The following DHX57 variants were observed in gnomAD, a reference collection of about 807,000 sequenced individuals.
The protein encoded by DHX57 is DExH-box helicase 57.
Under a neutral mutation model 156.2 loss-of-function variants are expected in DHX57, and 105 were observed. That is an observed-to-expected ratio of 0.67 (90% confidence interval 0.57 to 0.79). DHX57 has a LOEUF of 0.79. Among genes scored for constraint, DHX57 ranks in the 30% least tolerant of loss-of-function variants. DHX57 has a pLI of 0.00. For missense variants in DHX57, 1,847 were observed against 1,661.9 expected (o/e 1.11, Z -1.94); for synonymous variants, 704 against 595.6 (o/e 1.18, Z -2.65).
chr2:38,828,206 G>T, intron 14 of DHX57, 134 bp downstream of exon 14: 2 of 562,142 alleles, frequency 3.6e-6, no homozygotes, highest in Non-Finnish European at 5.9e-6. Flanking sequence ...CAGCAAATAG[G>T]TTTGCTCATT....
At chr2:38,872,578 G>A (rs1018822203) in intron 1 of DHX57, among the ~76,000 whole-genome samples, 2 of 152,142 alleles carry the variant, frequency 1.3e-5, no homozygotes, top group Admixed American at 6.5e-5. Flanking sequence ...AAGGTGGAGT[G>A]GCTATGTTAA....
At chr2:38,856,976 A>G (rs1379833974) in intron 6 of DHX57, 7 of 153,432 alleles carry the variant, frequency 4.6e-5, no homozygotes, top group Non-Finnish European at 7.3e-5. Flanking sequence ...GAATAAACCG[A>G]AAGATTTTCT....
In DHX57 at chr2:38,823,152, T is replaced by G. The variant is rs1440466586; in HGVS notation, c.3132A>C (p.Gly1044=). Reference sequence around the variant, plus strand: ...TCAATCTTTCATCTGGAGTTAATGCTCCTAAGTCTCGTAATCGTATTTTTG... The same window carrying G: ...TCAATCTTTCATCTGGAGTTAATGCGCCTAAGTCTCGTAATCGTATTTTTG... The part of the protein sequence containing the change: ...RASKIRLRDL[G]ALTPDERLTP... Residue 1044 remains glycine, a synonymous_variant, in exon 17 of 24, where the codon GGA becomes GGC. Transcript: ENST00000457308. 2.5e-6 allele frequency: 4 copies of G among 1,614,000 alleles called. No homozygotes were observed. The highest frequency in any genetic ancestry group is 3.4e-6 in the Non-Finnish European group (4 of 1,180,044).
intron 13 of DHX57, among the ~76,000 whole-genome samples, chr2:38,830,631 T>TAA (rs569419701): frequency 8.4e-5 from 10 of 119,466 alleles, no homozygotes; most frequent in African/African-American, 1.3e-4. Flanking sequence ...TCCGTCTCAA[T>TAA]AAAAAAAAAA....
In DHX57 at chr2:38,861,085, A is replaced by C. The variant is rs1220458873; in HGVS notation, c.1325T>G (p.Val442Gly). 3.7e-6 allele frequency: 6 copies of C among 1,614,226 alleles called. No homozygotes were observed. The highest frequency in any genetic ancestry group is 5.1e-6 in the Non-Finnish European group (6 of 1,180,036). The change falls in exon 5 of 24, where the codon GTA becomes GGA. Residue 442 changes from valine to glycine, a missense_variant. By Grantham distance (109) the Val-to-Gly change is moderately radical. Transcript: ENST00000457308. Reference protein sequence around the residue: ...YSDPPVNFLPVPSRTRINNPA... With the variant: ...YSDPPVNFLPGPSRTRINNPA... ...ATTATTTATTCTGGTCCTAGAGGGT[A>C]CTGGCAGAAAGTTCACAGGAGGGTC... is the stretch of plus-strand genomic sequence containing the variant.
chr2:38,862,461 A>G, intron 3 of DHX57, 128 bp from the exon 4 acceptor site: 1 of 878,840 alleles, frequency 1.1e-6, no homozygotes, highest in Non-Finnish European at 1.6e-6. Context: ...TTAATCTTAT[A>G]TTGAACTATT....
intron 12 of DHX57, among the ~76,000 whole-genome samples, chr2:38,842,431 G>T (rs1005628565): frequency 1.4e-4 from 22 of 152,112 alleles, no homozygotes; most frequent in African/African-American, 5.3e-4. Flanking sequence ...TTATATAATT[G>T]TATCAGTGTT....
chr2:38,855,967 G>T (rs1280996753), intron 7 of DHX57, among the ~76,000 whole-genome samples: 1 of 152,038 alleles, frequency 6.6e-6, no homozygotes, highest in African/African-American at 2.4e-5. Flanking sequence ...GGGTATGGTG[G>T]TGCACCACAG....
intron 9 of DHX57, among the ~76,000 whole-genome samples, chr2:38,849,267 A>T (rs1170991694): frequency 6.6e-6 from 1 of 152,242 alleles, no homozygotes; most frequent in Non-Finnish European, 1.5e-5. Flanking sequence ...ACATGAAAAC[A>T]TCTCTAAGAC....
chr2:38,832,595 G>C (rs1182598032), intron 13 of DHX57, among the ~76,000 whole-genome samples: 1 of 150,408 alleles, frequency 6.6e-6, no homozygotes, highest in Non-Finnish European at 1.5e-5. Flanking sequence ...ACCCAGGTTG[G>C]AGTGAAGTGG....
chr2:38,852,611 T>C lies in DHX57; in HGVS notation c.2030+1443A>G, dbSNP rs542578240. On this transcript the variant is annotated intron_variant, in intron 9 of 23. Coordinates refer to ENST00000457308, the MANE Select transcript of DHX57 (RefSeq NM_198963.3). ...TAAAATATTCAGACTTTTAATTTTT[T>C]TTTTTTTTTTTTTTAGAGATGGAGT... Among the ~76,000 whole-genome samples the C allele has an allele frequency of 1.0e-3, 157 of 150,084 alleles. 1 individual carries two copies. Among genetic ancestry groups the C allele is most frequent in the African/African-American group, 3.5e-3 (142 of 41,146 alleles).
At chr2:38,853,779 G>A (rs2124910457) in intron 9 of DHX57, 1 of 205,492 alleles carries the variant, frequency 4.9e-6, no homozygotes, top group Non-Finnish European at 9.8e-6. Flanking sequence ...ACTAAGTACG[G>A]TATTCAACTT....
Position 38,810,891 on chromosome 2 carries a change from G to A in DHX57, c.3681+2930C>T, listed in dbSNP as rs550534081. The A allele has an allele frequency of 2.2e-3, 1,667 of 770,114 alleles. 1 individual carries two copies. The highest frequency in any genetic ancestry group is 3.4e-3 in the Non-Finnish European group (1,473 of 436,378). The allele number at this position is 770,114 out of a possible 1,614,324, so 47.7% of individuals were successfully genotyped here. ...TCTCCACGATGTCAATATGGCCCAC[G>A]CTGTGCTTGCCTGCGACTTCATTCA... On this transcript the variant is annotated intron_variant, in intron 21 of 23. Coordinates refer to ENST00000457308, the MANE Select transcript of DHX57 (RefSeq NM_198963.3).
intron 1 of DHX57, among the ~76,000 whole-genome samples, chr2:38,871,366 C>A (rs1207882475): frequency 6.6e-6 from 1 of 152,000 alleles, no homozygotes; most frequent in Non-Finnish European, 1.5e-5. Flanking sequence ...AAAATGACTA[C>A]AGACAGTAAA....
intron 21 of DHX57, chr2:38,811,167 G>T: frequency 2.0e-6 from 1 of 510,224 alleles, no homozygotes; most frequent in South Asian, 1.8e-5. Flanking sequence ...ACTGGGATGG[G>T]AATCCCATGT....
intron 10 of DHX57, among the ~76,000 whole-genome samples, chr2:38,847,432 T>C (rs1440822426): frequency 2.0e-5 from 3 of 152,360 alleles, no homozygotes; most frequent in African/African-American, 7.2e-5. Context: ...TTAGATTTAC[T>C]GCCAGCATTC....
intron 21 of DHX57, among the ~76,000 whole-genome samples, chr2:38,807,690 C>A (rs1670024255): frequency 6.6e-6 from 1 of 151,646 alleles, no homozygotes; most frequent in South Asian, 2.1e-4. Context: ...TCTTGTTGCC[C>A]AGGCTGGAGT....
intron 1 of DHX57, 55 bp from the exon 2 acceptor site, chr2:38,868,466 C>G: frequency 6.5e-7 from 1 of 1,536,570 alleles, no homozygotes; most frequent in Admixed American, 1.8e-5. Flanking sequence ...GTATGATAAT[C>G]CTTTGTTTGC....
intron 13 of DHX57, among the ~76,000 whole-genome samples, chr2:38,835,793 C>T (rs1277768747): frequency 1.3e-5 from 2 of 152,146 alleles, no homozygotes; most frequent in East Asian, 1.9e-4. Flanking sequence ...TGATGCTGGA[C>T]AAAGCTGTGT....
Sources: allele counts gnomAD v4.1 joint callset (sites outside exome capture counted in the v4.1 genomes callset), GRCh38; gene constraint gnomAD v4.1.1; transcripts MANE v1.5; gene names NCBI Gene and HGNC (gene_info 2026-07-23, HGNC 2026-07-21).